The following GMEB2 variants were observed in gnomAD, a reference collection of about 807,000 sequenced individuals.
The protein encoded by GMEB2 is glucocorticoid modulatory element-binding protein 2.
GMEB2 carries 7 observed loss-of-function variants against 45.7 expected under a neutral mutation model. The ratio of observed to expected loss-of-function variants is 0.15; its 90% confidence interval spans 0.09 to 0.29. GMEB2 has a LOEUF of 0.29. GMEB2 is among the 10% of genes least tolerant of loss of function. The probability of loss-of-function intolerance (pLI) is 1.00; values close to 1 mark genes in which losing one functional copy is unlikely to be tolerated. For missense variants in GMEB2, 582 were observed against 739.2 expected, an observed-to-expected ratio of 0.79 and a Z score of 2.47; for synonymous variants, 322 against 323.6, an observed-to-expected ratio of 1.00 and a Z score of 0.05.
At position 63,590,678 on chromosome 20, in the gene GMEB2, T is replaced by G; in HGVS notation, c.1004A>C (p.His335Pro). The part of the protein sequence containing the change: ...EHRRRAKELK[H>P]KSQHLSNVLM... ...CACGTTGCTGAGGTGCTGGGACTTG[T>G]GCTTCAGCTCCTTGGCTCGGCGACG... The change falls in exon 10 of 10, where the codon CAC (histidine) becomes CCC (proline). Residue 335 changes from histidine (H) to proline (P), a missense_variant. Transcript: ENST00000370077. 1 of 1,539,806 alleles carries G rather than the reference T, an allele frequency of 6.5e-7. No homozygotes were observed.
chr20:63,595,724 T>C lies in GMEB2; in HGVS notation c.505A>G (p.Lys169Glu). The change falls in exon 6 of 10, where the codon AAG becomes GAG. Residue 169 changes from lysine (K) to glutamate (E), a missense_variant. Around this residue, in one of 3 missense-constraint regions of GMEB2, gnomAD observed 462 missense variants for 586.7 expected, o/e 0.79. Transcript: ENST00000370077. The part of the protein sequence containing the change: ...SGELDFYQHD[K>E]VCSNTCRSTK... ...CTGCGGCAGGTGTTGGAGCAGACCT[T>C]GTCATGCTGGTAGAAGTCCAGTTCC... is the stretch of plus-strand genomic sequence containing the variant. 6.2e-7 allele frequency: 1 copy of C among 1,613,362 alleles called. No homozygotes were observed. The highest frequency in any genetic ancestry group is 8.5e-7 in the Non-Finnish European group (1 of 1,179,304).
chr20:63,613,052 C>G (rs931580055), intron 2 of GMEB2, among the ~76,000 whole-genome samples: 6 of 152,120 alleles, frequency 3.9e-5, no homozygotes, highest in Non-Finnish European at 5.9e-5. Flanking sequence ...AGCTCTGCCC[C>G]CCGGATTCAC....
Position 63,588,494 on chromosome 20 carries a change from C to T in GMEB2, c.*1595G>A, listed in dbSNP as rs564235603. The T allele has an allele frequency of 1.4e-5, 5 of 365,652 alleles. No homozygotes were observed. The highest frequency in any genetic ancestry group is 2.1e-5 in the African/African-American group (1 of 48,030). 22.7% of individuals were successfully genotyped at this position (365,652 alleles called of 1,614,324 possible). ...TATGTACATCAAAAGATCAACATCA[C>T]GCCGAAACCAGCTGACTGTGACAAC... is the stretch of plus-strand genomic sequence containing the variant. On this transcript the variant is annotated 3_prime_UTR_variant, in exon 10 of 10. Coordinates refer to ENST00000370077, the MANE Select transcript of GMEB2 (RefSeq NM_012384.5).
In GMEB2 at chr20:63,592,995, A is replaced by G. The variant is rs760782608; in HGVS notation, c.691+16T>C. The G allele has an allele frequency of 6.4e-7, 1 of 1,574,548 alleles. No homozygotes were observed. The highest frequency in any genetic ancestry group is 8.7e-7 in the Non-Finnish European group (1 of 1,147,816). On this transcript the variant is annotated intron_variant, in intron 7 of 9. Coordinates refer to ENST00000370077, the MANE Select transcript of GMEB2 (RefSeq NM_012384.5). This position sits in a 1 kb window ranked among gnomAD's most constrained non-coding sequence, Gnocchi z 8.2. ...CGCCAGGGCTTGTGAGAAGCCCACA[A>G]GGAGGAACCTCGTACCTCCAATGGC...
intron 4 of GMEB2, among the ~76,000 whole-genome samples, chr20:63,600,989 T>C (rs384683): frequency 0.5 from 76,296 of 151,926 alleles, 20,318 homozygotes; most frequent in Middle Eastern, 0.66. Flanking sequence ...CTGCCAGCTT[T>C]CCCACCACAG....
chr20:63,613,489 G>T (rs557311628), intron 2 of GMEB2, among the ~76,000 whole-genome samples: 3 of 151,718 alleles, frequency 2.0e-5, no homozygotes, highest in African/African-American at 7.3e-5. Flanking sequence ...AGACAACTGT[G>T]CAGGATTTTA....
Position 63,593,610 on chromosome 20 carries a change from T to TGGGTC in GMEB2, c.620-529_620-528insGACCC. ...GTGGGGCTTTGAGAGACAGAAACCG[T>TGGGTC]CCTGGCTCTTCCTGTGGGTCCCTCT... On this transcript the variant is annotated intron_variant, in intron 6 of 9. Transcript: ENST00000370077. This position sits in a 1 kb window ranked among gnomAD's most constrained non-coding sequence, Gnocchi z 4.7. 6.6e-6 allele frequency among the ~76,000 whole-genome samples: 1 copy of TGGGTC among 152,156 alleles called. No individual in the cohort carries two copies. The highest frequency in any genetic ancestry group is 6.5e-5 in the Admixed American group (1 of 15,272).
intron 4 of GMEB2, among the ~76,000 whole-genome samples, chr20:63,599,187 A>G (rs1023453011): frequency 3.4e-5 from 5 of 147,634 alleles, no homozygotes; most frequent in Admixed American, 3.3e-4. Context: ...CCCGCTCCTG[A>G]CCCCCCGGAG....
chr20:63,588,605 G>A lies in GMEB2; in HGVS notation c.*1484C>T, dbSNP rs1345889790. The A allele has an allele frequency of 5.0e-6, 2 of 397,770 alleles. No homozygotes were observed. The highest frequency in any genetic ancestry group is 8.8e-6 in the Non-Finnish European group (2 of 226,056). 24.6% of individuals were successfully genotyped at this position (397,770 alleles called of 1,614,324 possible). On this transcript the variant is annotated 3_prime_UTR_variant, in exon 10 of 10. Coordinates refer to ENST00000370077, the MANE Select transcript of GMEB2 (RefSeq NM_012384.5). Reference sequence around the variant, plus strand: ...TGAGGGCAGCCAGGACAGGGCCCTGGTGACAATGGCGCAGAGGTGGGGTCT... The same window carrying A: ...TGAGGGCAGCCAGGACAGGGCCCTGATGACAATGGCGCAGAGGTGGGGTCT...
chr20:63,617,265 C>T (rs6010971), intron 2 of GMEB2, among the ~76,000 whole-genome samples: 32 of 152,032 alleles, frequency 2.1e-4, no homozygotes, highest in Non-Finnish European at 3.4e-4. Flanking sequence ...TATGAGCCAC[C>T]GCGCCTGGCC....
chr20:63,597,869 G>A lies in GMEB2; in HGVS notation c.358-9C>T. ...ATTACATGCTCGTCGTACTGTGGGGGACACAGTCATGTGGGTCAAGCTTGG... is the reference window on the plus strand; with the variant it reads ...ATTACATGCTCGTCGTACTGTGGGGAACACAGTCATGTGGGTCAAGCTTGG... On this transcript the variant is annotated splice_polypyrimidine_tract_variant and intron_variant, in intron 4 of 9. Transcript: ENST00000370077. 6.6e-7 allele frequency: 1 copy of A among 1,511,776 alleles called. No individual in the cohort carries two copies. The highest frequency in any genetic ancestry group is 9.2e-7 in the Non-Finnish European group (1 of 1,086,748). The allele number at this position is 1,511,776 out of a possible 1,614,324, so 93.6% of individuals were successfully genotyped here. A position where few individuals can be genotyped will look rare whatever the true frequency, so the allele number is the denominator to read the frequency against.
chr20:63,595,836 T>A, intron 5 of GMEB2, 69 bp from the exon 6 acceptor site: 1 of 1,443,636 alleles, frequency 6.9e-7, no homozygotes, highest in Admixed American at 1.7e-5. Flanking sequence ...CCGCCCACCC[T>A]GACCTGGGCC....
rs2083108791 is a variant in GMEB2 at position 63,587,971 on chromosome 20, G to C, written c.*2118C>G. The C allele has an allele frequency of 6.6e-6, 1 of 152,362 alleles. No individual in the cohort carries two copies. Among genetic ancestry groups the C allele is most frequent in the Non-Finnish European group, 1.5e-5 (1 of 68,048 alleles). The allele number at this position is 152,362 out of a possible 1,614,324, so 9.4% of individuals were successfully genotyped here. A position where few individuals can be genotyped will look rare whatever the true frequency, so the allele number is the denominator to read the frequency against. Reference sequence around the variant, plus strand: ...TGCAGTGTGGTTCCCATGAGGATGAGGGCTTCTCCAGGGCCCTTCCCCACG... The same window carrying C: ...TGCAGTGTGGTTCCCATGAGGATGACGGCTTCTCCAGGGCCCTTCCCCACG... On this transcript the variant is annotated 3_prime_UTR_variant, in exon 10 of 10. Coordinates refer to ENST00000370077, the MANE Select transcript of GMEB2 (RefSeq NM_012384.5).
At chr20:63,601,010 C>T (rs1288330602) in intron 4 of GMEB2, among the ~76,000 whole-genome samples, 3 of 152,184 alleles carry the variant, frequency 2.0e-5, no homozygotes, top group South Asian at 4.1e-4. Flanking sequence ...CTACGACTTA[C>T]GTCTGCAATG....
chr20:63,590,508 G>C lies in GMEB2; in HGVS notation c.1174C>G (p.Gln392Glu). The stretch of plus-strand genomic sequence containing the variant: ...TTACCAAGGGGCACGCTGGTCAGCT[G>C]GGGGACGGGCACGCCCGGGCCAAGC... ...LALGPGVPVP[Q>E]LTSVPLGKVV... is the part of the protein sequence containing the mutation. Residue 392 changes from glutamine to glutamate, a missense_variant, in exon 10 of 10, where the codon CAG (glutamine) becomes GAG (glutamate). Physicochemically the swap from Gln to Glu is conservative, Grantham distance 29. Transcript: ENST00000370077. 6.6e-7 allele frequency: 1 copy of C among 1,509,256 alleles called. No individual in the cohort carries two copies. The highest frequency in any genetic ancestry group is 8.9e-7 in the Non-Finnish European group (1 of 1,124,106). The allele number at this position is 1,509,256 out of a possible 1,614,324, so 93.5% of individuals were successfully genotyped here. A position where few individuals can be genotyped will look rare whatever the true frequency, so the allele number is the denominator to read the frequency against.
intron 9 of GMEB2, among the ~76,000 whole-genome samples, chr20:63,591,197 C>A (rs971055019): frequency 6.7e-6 from 1 of 148,456 alleles, no homozygotes; most frequent in East Asian, 2.2e-4. Context: ...GCAGAGTGCA[C>A]ACACACAATG....
At position 63,619,158 on chromosome 20, in the gene GMEB2, A is replaced by T; in HGVS notation, c.131+109T>A. 1 of 1,117,180 alleles carries T rather than the reference A, an allele frequency of 9.0e-7. No homozygotes were observed. The highest frequency in any genetic ancestry group is 1.2e-6 in the Non-Finnish European group (1 of 808,684). 69.2% of individuals were successfully genotyped at this position (1,117,180 alleles called of 1,614,324 possible). On this transcript the variant is annotated intron_variant, in intron 2 of 9. Coordinates refer to ENST00000370077, the MANE Select transcript of GMEB2 (RefSeq NM_012384.5). The surrounding 1 kb of genome is among the most constrained non-coding windows in gnomAD (Gnocchi z 4.6). ...TTGAGTCCAGTCTCAGAAGAACTGG[A>T]ACTAGAAAAATCCTGACACTTGTCC...
chr20:63,597,300 A>C (rs1196847353), intron 5 of GMEB2, among the ~76,000 whole-genome samples: 1 of 151,348 alleles, frequency 6.6e-6, no homozygotes, highest in Non-Finnish European at 1.5e-5. Context: ...AGCTGGGACC[A>C]CAGGCATATG....
At chr20:63,614,329 G>A (rs1369373437) in intron 2 of GMEB2, among the ~76,000 whole-genome samples, 1 of 152,174 alleles carries the variant, frequency 6.6e-6, no homozygotes, top group African/African-American at 2.4e-5. Context: ...GAGCTGAGGG[G>A]ACATAGTGAG....
Sources: allele counts gnomAD v4.1 joint callset (sites outside exome capture counted in the v4.1 genomes callset), GRCh38; gene constraint gnomAD v4.1.1; regional missense constraint gnomAD v4.1.1; non-coding constraint Gnocchi (gnomAD v3.1); transcripts MANE v1.5; gene names NCBI Gene and HGNC (gene_info 2026-07-23, HGNC 2026-07-21).